The following SUGT1 variants were observed in gnomAD, a reference collection of about 807,000 sequenced individuals.
SUGT1 encodes protein SGT1 homolog.
SUGT1 carries 15 observed loss-of-function variants against 56.1 expected under a neutral mutation model. That is an observed-to-expected ratio of 0.27 (90% confidence interval 0.18 to 0.41). The LOEUF (loss-of-function observed/expected upper bound fraction) is 0.41. Among genes scored for constraint, SUGT1 ranks in the 10% least tolerant of loss-of-function variants. The pLI is 1.00. For synonymous variants in SUGT1, 123 were observed against 128.6 expected (o/e 0.96, Z 0.30); for missense variants, 347 against 382.2 (o/e 0.91, Z 0.77).
chr13:52,681,489 T>C (rs530541640), intron 12 of SUGT1, among the ~76,000 whole-genome samples: 3 of 151,664 alleles, frequency 2.0e-5, no homozygotes, highest in Non-Finnish European at 2.9e-5. Flanking sequence ...TCCTAAGAAA[T>C]GAGATTCTTT....
chr13:52,665,293 T>A (rs549850124), intron 8 of SUGT1, among the ~76,000 whole-genome samples: 4 of 152,162 alleles, frequency 2.6e-5, no homozygotes, highest in African/African-American at 9.7e-5. Flanking sequence ...GTATAAAAAC[T>A]CTATTGATGG....
In SUGT1 at chr13:52,680,070, A is replaced by T. The variant is rs1361554637; in HGVS notation, c.815A>T (p.Glu272Val). The T allele has an allele frequency of 6.3e-7, 1 of 1,596,290 alleles. No individual in the cohort carries two copies. The highest frequency in any genetic ancestry group is 8.5e-7 in the Non-Finnish European group (1 of 1,175,516). Residue 272 changes from glutamate (E) to valine (V), a missense_variant, in exon 12 of 13, where the codon GAG becomes GTG. Physicochemically the swap from Glu to Val is moderately radical, Grantham distance 121. Coordinates refer to ENST00000310528, the MANE Select transcript of SUGT1 (RefSeq NM_006704.5). ...GAAGAAGAAAAGAATGAAAAGTTGG[A>T]GGGAGATGCAGCTTTAAACAGATTA... ...IKEEEKNEKL[E>V]GDAALNRLFQ...
At chr13:52,673,174 G>A (rs1963007136) in intron 10 of SUGT1, among the ~76,000 whole-genome samples, 1 of 151,990 alleles carries the variant, frequency 6.6e-6, no homozygotes, top group Non-Finnish European at 1.5e-5. Context: ...TTAAAAGCAT[G>A]TACAAACATT....
At chr13:52,676,449 G>T in intron 11 of SUGT1, 129 bp downstream of exon 11, 1 of 740,102 alleles carries the variant, frequency 1.4e-6, no homozygotes, top group Non-Finnish European at 2.0e-6. Flanking sequence ...GTATAATAAG[G>T]TTGCTCCGTA....
intron 12 of SUGT1, among the ~76,000 whole-genome samples, chr13:52,684,427 CA>C (rs1415882102): frequency 1.3e-5 from 2 of 150,540 alleles, no homozygotes; most frequent in East Asian, 2.0e-4. Context: ...TTTTGTTCTA[CA>C]TTTTTTTATT....
At position 52,692,412 on chromosome 13, in the gene SUGT1, CT is replaced by C. The variant is rs35699591; in HGVS notation, c.*4594del. The C allele has an allele frequency of 0.91, 127,223 of 140,312 alleles. 57,617 individuals are homozygous for C. The highest frequency in any genetic ancestry group is 0.98 in the East Asian group (4,729 of 4,812). The allele number at this position is 140,312 out of a possible 1,614,324, so 8.7% of individuals were successfully genotyped here. On this transcript the variant is annotated 3_prime_UTR_variant, in exon 13 of 13. Transcript: ENST00000310528. ...GAATATTCAAGTTAAAGAACTAATT[CT>C]TTTTTTTTTTTTTTTTGAGACAGTC...
In SUGT1 at chr13:52,687,842, T is replaced by A. The variant is rs1963656611; in HGVS notation, c.*7T>A. 5.1e-6 allele frequency: 8 copies of A among 1,572,204 alleles called. No individual in the cohort carries two copies. Among genetic ancestry groups the A allele is most frequent in the Non-Finnish European group, 6.1e-6 (7 of 1,156,764 alleles). On this transcript the variant is annotated 3_prime_UTR_variant, in exon 13 of 13. Coordinates refer to ENST00000310528, the MANE Select transcript of SUGT1 (RefSeq NM_006704.5). ...GGAATGGAAAAAGTACTAAATAAAT[T>A]AATTTGCTCTCATCGTATTGTGTAT...
In SUGT1 at chr13:52,675,976, A is replaced by G. The variant is rs564238022; in HGVS notation, c.628-254A>G. On this transcript the variant is annotated intron_variant, in intron 10 of 12. Transcript: ENST00000310528. The stretch of plus-strand genomic sequence containing the variant: ...GGTTCAGAACATTGCTTTGGATGAA[A>G]AAAAGCATATGTATTTCAAGTCTCT... Among the ~76,000 whole-genome samples, 5 of 152,304 alleles carry G rather than the reference A, an allele frequency of 3.3e-5. No individual in the cohort carries two copies. In the South Asian group the frequency reaches 8.3e-4, roughly 25 times the overall value.
chr13:52,661,104 G>C (rs891725014), intron 5 of SUGT1, among the ~76,000 whole-genome samples: 1 of 152,128 alleles, frequency 6.6e-6, no homozygotes, highest in Non-Finnish European at 1.5e-5. Context: ...GAGCCACTGC[G>C]TCTGGCCCCT....
chr13:52,681,223 C>T (rs2138166156), intron 12 of SUGT1, among the ~76,000 whole-genome samples: 1 of 148,870 alleles, frequency 6.7e-6, no homozygotes, highest in Non-Finnish European at 1.5e-5. Context: ...TGAGATTAGC[C>T]TGGGCAACAT....
rs1049618660 is a variant in SUGT1 at position 52,694,216 on chromosome 13, G to A, written c.*6381G>A. On this transcript the variant is annotated 3_prime_UTR_variant, in exon 13 of 13. Transcript: ENST00000310528. ...CTATGTGTGTGAAGTGCAAAGAGCA[G>A]TGCTTCATGTGACAGATAACATCAG... The A allele has an allele frequency of 2.0e-5, 3 of 152,188 alleles. No homozygotes were observed. The highest frequency in any genetic ancestry group is 2.9e-5 in the Non-Finnish European group (2 of 68,028). The allele number at this position is 152,188 out of a possible 1,614,324, so 9.4% of individuals were successfully genotyped here.
intron 12 of SUGT1, among the ~76,000 whole-genome samples, chr13:52,680,778 T>C (rs753113369): frequency 6.6e-5 from 10 of 152,160 alleles, no homozygotes; most frequent in Middle Eastern, 3.2e-3. Flanking sequence ...ATTTAGTTAA[T>C]GTGGTTGAGG....
intron 5 of SUGT1, among the ~76,000 whole-genome samples, chr13:52,662,253 A>G (rs1962491026): frequency 1.3e-5 from 2 of 152,094 alleles, no homozygotes; most frequent in South Asian, 2.1e-4. Context: ...TTGAACCTCA[A>G]CTCAGCTCCC....
intron 10 of SUGT1, among the ~76,000 whole-genome samples, chr13:52,674,748 C>T (rs1013986327): frequency 6.6e-6 from 1 of 152,218 alleles, no homozygotes; most frequent in African/African-American, 2.4e-5. Context: ...AATTCAATTG[C>T]TCATTTAAAC....
intron 12 of SUGT1, among the ~76,000 whole-genome samples, chr13:52,683,710 G>A (rs1466804287): frequency 1.3e-5 from 2 of 152,110 alleles, no homozygotes; most frequent in African/African-American, 4.8e-5. Context: ...AACGGTCTGG[G>A]CCTGGAGATT....
intron 10 of SUGT1, among the ~76,000 whole-genome samples, chr13:52,673,582 T>C (rs780115109): frequency 3.1e-4 from 47 of 152,238 alleles, no homozygotes; most frequent in Non-Finnish European, 6.6e-4. Context: ...TACTGCACAG[T>C]TACTCAGGTT....
chr13:52,699,314 T>G lies in SUGT1; in HGVS notation c.*11479T>G, dbSNP rs905050856. On this transcript the variant is annotated 3_prime_UTR_variant, in exon 13 of 13. Coordinates refer to ENST00000310528, the MANE Select transcript of SUGT1 (RefSeq NM_006704.5). ...GTGAAACAAAATGAGAATAACTATT[T>G]GGGCAAAACACTTTTATCACTGCTA... 1.3e-5 allele frequency: 2 copies of G among 152,178 alleles called. No homozygotes were observed. Among genetic ancestry groups the G allele is most frequent in the African/African-American group, 4.8e-5 (2 of 41,424 alleles). The allele number at this position is 152,178 out of a possible 1,614,324, so 9.4% of individuals were successfully genotyped here.
intron 2 of SUGT1, among the ~76,000 whole-genome samples, chr13:52,654,568 G>A (rs946532562): frequency 3.9e-5 from 6 of 152,140 alleles, no homozygotes; most frequent in Non-Finnish European, 7.3e-5. Flanking sequence ...CATTCATAAT[G>A]CTCCTTAATG....
At chr13:52,669,008 T>C (rs1486134119) in intron 10 of SUGT1, among the ~76,000 whole-genome samples, 1 of 152,208 alleles carries the variant, frequency 6.6e-6, no homozygotes, top group Admixed American at 6.5e-5. Flanking sequence ...AATTAAGCAC[T>C]CTTATCTCAA....
Sources: allele counts gnomAD v4.1 joint callset (sites outside exome capture counted in the v4.1 genomes callset), GRCh38; gene constraint gnomAD v4.1.1; transcripts MANE v1.5; gene names NCBI Gene and HGNC (gene_info 2026-07-23, HGNC 2026-07-21).